The following OPRD1 variants were observed in gnomAD, a reference collection of about 807,000 sequenced individuals.
OPRD1 encodes the protein opioid receptor delta 1, also known as delta-type opioid receptor.
In OPRD1, 19 loss-of-function variants were observed where a neutral mutation model predicts 17.5. The observed-to-expected ratio is 1.09, with a 90% CI of 0.76 to 1.60. The LOEUF is 1.60. Among genes scored for constraint, OPRD1 ranks in the 40% most tolerant of loss-of-function variants. The pLI is 0.00. For synonymous variants in OPRD1, 256 were observed against 240.9 expected (o/e 1.06, Z -0.58); for missense variants, 483 against 547.2 (o/e 0.88, Z 1.17).
intron 1 of OPRD1, among the ~76,000 whole-genome samples, chr1:28,822,157 G>T (rs534855506): frequency 1.3e-5 from 2 of 151,998 alleles, no homozygotes; most frequent in Non-Finnish European, 2.9e-5. Flanking sequence ...CTCCATGTTG[G>T]TCATGCTGGT....
At position 28,867,493 on chromosome 1, in the gene OPRD1, C is replaced by T. The variant is rs994614702; in HGVS notation, c.*4210C>T. 1 of 152,214 alleles carries T rather than the reference C, an allele frequency of 6.6e-6. No individual in the cohort carries two copies. The highest frequency in any genetic ancestry group is 1.5e-5 in the Non-Finnish European group (1 of 68,064). 9.4% of individuals were successfully genotyped at this position (152,214 alleles called of 1,614,324 possible). A position where few individuals can be genotyped will look rare whatever the true frequency, so the allele number is the denominator to read the frequency against. On this transcript the variant is annotated 3_prime_UTR_variant, in exon 3 of 3. Transcript: ENST00000234961. ...GTGCTGGGATTACAGGCGTGAGCCA[C>T]CAAGCCCGGCCAATTTTTTTTTTTT... is the stretch of plus-strand genomic sequence containing the variant.
chr1:28,858,955 T>TACA lies in OPRD1; in HGVS notation c.230_232dup (p.Tyr77_Thr78insAsn). Reference sequence around the variant, plus strand: ...ATTACACATGCATTTCTTTCTAAGGTACACTAAGATGAAGACGGCCACCAA... The same window carrying TACA: ...ATTACACATGCATTTCTTTCTAAGGTACAACACTAAGATGAAGACGGCCACCAA... On this transcript the variant is annotated inframe_insertion and splice_region_variant, in exon 2 of 3. Coordinates refer to ENST00000234961, the MANE Select transcript of OPRD1 (RefSeq NM_000911.4). The TACA allele has an allele frequency of 6.2e-7, 1 of 1,607,312 alleles. No individual in the cohort carries two copies. The highest frequency in any genetic ancestry group is 1.1e-5 in the South Asian group (1 of 91,054).
At position 28,863,241 on chromosome 1, in the gene OPRD1, C is replaced by T. The variant is rs1437826006; in HGVS notation, c.1077C>T (p.Ala359=). The T allele has an allele frequency of 1.9e-6, 3 of 1,544,452 alleles. No individual in the cohort carries two copies. In the South Asian group the frequency reaches 3.6e-5, roughly 18 times the overall value. Residue 359 remains alanine (A), a synonymous_variant, in exon 3 of 3, where the codon GCC becomes GCT. Transcript: ENST00000234961. ...CCACGGCCCGCGAGCGTGTCACCGC[C>T]TGCACCCCGTCCGATGGTCCCGGCG... The part of the protein sequence containing the change: ...REATARERVT[A]CTPSDGPGGG...
chr1:28,852,670 G>A (rs1274005223), intron 1 of OPRD1, among the ~76,000 whole-genome samples: 1 of 151,974 alleles, frequency 6.6e-6, no homozygotes, highest in Admixed American at 6.6e-5. Context: ...GACATAGCAC[G>A]ACCCCATCTC....
chr1:28,822,168 C>T (rs2088720059), intron 1 of OPRD1, among the ~76,000 whole-genome samples: 1 of 151,964 alleles, frequency 6.6e-6, no homozygotes, highest in Admixed American at 6.6e-5. Flanking sequence ...TCATGCTGGT[C>T]TCTACCTCCT....
Position 28,812,611 on chromosome 1 carries a change from G to C in OPRD1, c.227+1G>C. On this transcript the variant is annotated splice_donor_variant, in intron 1 of 2. Coordinates refer to ENST00000234961, the MANE Select transcript of OPRD1 (RefSeq NM_000911.4). LOFTEE classifies it high-confidence loss of function. ...TGCTTGTCATGTTCGGCATCGTCCGGTGAGTCCGCTGCGGGCCGGCGCCGC... is the reference window on the plus strand; with the variant it reads ...TGCTTGTCATGTTCGGCATCGTCCGCTGAGTCCGCTGCGGGCCGGCGCCGC... 6.6e-7 allele frequency: 1 copy of C among 1,509,470 alleles called. No homozygotes were observed. The highest frequency in any genetic ancestry group is 1.4e-5 in the African/African-American group (1 of 69,808). The allele number at this position is 1,509,470 out of a possible 1,614,324, so 93.5% of individuals were successfully genotyped here.
chr1:28,838,007 CT>C (rs1446270445), intron 1 of OPRD1, among the ~76,000 whole-genome samples: 1 of 151,660 alleles, frequency 6.6e-6, no homozygotes, highest in Non-Finnish European at 1.5e-5. Flanking sequence ...CTTTCCTCCT[CT>C]GTACACTGAG....
intron 1 of OPRD1, among the ~76,000 whole-genome samples, chr1:28,830,858 G>C (rs975074795): frequency 1.3e-5 from 2 of 152,256 alleles, no homozygotes; most frequent in African/African-American, 4.8e-5. Context: ...GGTTAAGGGG[G>C]ATGATGCTGT....
intron 1 of OPRD1, among the ~76,000 whole-genome samples, chr1:28,823,298 G>T (rs747768784): frequency 2.9e-4 from 42 of 147,282 alleles, no homozygotes; most frequent in Admixed American, 4.2e-4. Flanking sequence ...CTGGGTTCAA[G>T]TGATTCTCAT....
rs2089188093 is a variant in OPRD1, at chr1:28,867,809, CTAAG to C, written c.*4529_*4532del. Reference sequence around the variant, plus strand: ...ATAAGGCCCAGAACGTAAGTAAACTCTAAGTACATGGTAAGTGGCAGTCACTGCT... The same window carrying C: ...ATAAGGCCCAGAACGTAAGTAAACTCTACATGGTAAGTGGCAGTCACTGCT... On this transcript the variant is annotated 3_prime_UTR_variant, in exon 3 of 3. Transcript: ENST00000234961. The C allele has an allele frequency of 6.6e-6, 1 of 152,282 alleles. No homozygotes were observed. Among genetic ancestry groups the C allele is most frequent in the African/African-American group, 2.4e-5 (1 of 41,434 alleles). The allele number at this position is 152,282 out of a possible 1,614,324, so 9.4% of individuals were successfully genotyped here. A position where few individuals can be genotyped will look rare whatever the true frequency, so the allele number is the denominator to read the frequency against.
At chr1:28,842,986 A>G (rs1339514130) in intron 1 of OPRD1, among the ~76,000 whole-genome samples, 1 of 152,014 alleles carries the variant, frequency 6.6e-6, no homozygotes, top group Non-Finnish European at 1.5e-5. Flanking sequence ...AAGAAGAAGA[A>G]AAAGAAAAAT....
intron 1 of OPRD1, among the ~76,000 whole-genome samples, chr1:28,827,232 G>T (rs539554894): frequency 6.6e-6 from 1 of 152,310 alleles, no homozygotes; most frequent in South Asian, 2.1e-4. Flanking sequence ...GGAGGCAGAG[G>T]TTGTGGTGAG....
At chr1:28,846,879 TTTCTTTCTTTC>T (rs2088955225) in intron 1 of OPRD1, among the ~76,000 whole-genome samples, 2 of 105,184 alleles carry the variant, frequency 1.9e-5, no homozygotes, top group Non-Finnish European at 4.1e-5. Context: ...TCTTTCTTTC[TTTCTTTCTTTC>T]TTTTCTCTTT....
chr1:28,818,562 G>A (rs1166240880), intron 1 of OPRD1, among the ~76,000 whole-genome samples: 2 of 152,210 alleles, frequency 1.3e-5, no homozygotes, highest in African/African-American at 2.4e-5. Context: ...CCAATTCACC[G>A]AGGCTGAGAC....
At chr1:28,851,700 C>T (rs566709568) in intron 1 of OPRD1, among the ~76,000 whole-genome samples, 2 of 151,242 alleles carry the variant, frequency 1.3e-5, no homozygotes, top group East Asian at 2.0e-4. Flanking sequence ...GAAGCAACCC[C>T]GTCTCTACTA....
At chr1:28,859,370 G>T in intron 2 of OPRD1, 67 bp downstream of exon 2, 2 of 1,372,826 alleles carry the variant, frequency 1.5e-6, no homozygotes, top group Non-Finnish European at 1.0e-6. Flanking sequence ...GCCTTTGTGG[G>T]CTTGCAGGGC....
intron 1 of OPRD1, among the ~76,000 whole-genome samples, chr1:28,846,863 T>G: frequency 1.6e-5 from 1 of 61,510 alleles, no homozygotes; most frequent in African/African-American, 4.3e-5. Context: ...TCTTTCTTTC[T>G]TTCTTTCTTT....
chr1:28,825,377 G>GCC (rs564519653), intron 1 of OPRD1, among the ~76,000 whole-genome samples: 7 of 151,702 alleles, frequency 4.6e-5, no homozygotes, highest in Non-Finnish European at 1.0e-4. Context: ...CAGTACTTGG[G>GCC]AACACAAGAA....
In OPRD1 at chr1:28,862,977, G is replaced by A. The variant is rs797014444; in HGVS notation, c.813G>A (p.Val271=). Reference sequence around the variant, plus strand: ...TGCTGGTGGTTGTGGGCGCCTTCGTGGTGTGTTGGGCGCCCATCCACATCT... The same window carrying A: ...TGCTGGTGGTTGTGGGCGCCTTCGTAGTGTGTTGGGCGCCCATCCACATCT... ...RMVLVVVGAF[V]VCWAPIHIFV... is the part of the protein sequence containing the mutation. Residue 271 remains valine, a synonymous_variant, in exon 3 of 3, where the codon GTG becomes GTA. Transcript: ENST00000234961. 4.3e-6 allele frequency: 7 copies of A among 1,611,246 alleles called. No individual in the cohort carries two copies. The African/African-American group carries it at 9.3e-5, about 21-fold the overall frequency.
Sources: gnomAD v4.1 joint callset for allele counts (sites outside exome capture counted in the v4.1 genomes callset) on GRCh38, gnomAD v4.1.1 for gene constraint, MANE v1.5 for transcripts, NCBI Gene and HGNC (gene_info 2026-07-23, HGNC 2026-07-21) for gene names.